ASDURF: variants seen among roughly 807,000 people sequenced by gnomAD.
ASDURF encodes ASDURF protein.
Under a neutral mutation model 3.3 loss-of-function variants are expected in ASDURF, and 3 were observed. The ratio of observed to expected loss-of-function variants is 0.92; its 90% CI spans 0.42 to 2.37. The LOEUF is 2.37. ASDURF is among the 30% of genes most tolerant of loss of function. The pLI is 0.05. For synonymous variants in ASDURF, 11 were observed against 8.3 expected, an observed-to-expected ratio of 1.32 and a Z score of -0.55; for missense variants, 23 against 25.4, an observed-to-expected ratio of 0.90 and a Z score of 0.21.
intron 1 of ASDURF, among the ~76,000 whole-genome samples, chr2:189,662,203 C>T (rs2032682697): frequency 6.6e-6 from 1 of 152,192 alleles, no homozygotes; most frequent in South Asian, 2.1e-4. Context: ...GGTTGTCACT[C>T]ATACCAAACT....
intron 3 of ASDURF, 145 bp downstream of exon 3, chr2:189,665,596 G>GTATATATA (rs71023704): frequency 1.8e-5 from 2 of 111,492 alleles, no homozygotes; most frequent in African/African-American, 7.9e-5. Flanking sequence ...ATATATATAT[G>GTATATATA]TGTATATATA....
Position 189,666,296 on chromosome 2 carries a change from A to T in ASDURF, c.*185A>T. On this transcript the variant is annotated 3_prime_UTR_variant, in exon 4 of 4. Transcript: ENST00000607829. ...TGTTTATTTTCTGCTCACGTCCTAC[A>T]CTTGAGGGGTGTTTTGACTACCCAG... is the stretch of plus-strand genomic sequence containing the variant. 1.2e-6 allele frequency: 2 copies of T among 1,614,070 alleles called. No homozygotes were observed. Among genetic ancestry groups the T allele is most frequent in the Non-Finnish European group, 8.5e-7 (1 of 1,179,990 alleles).
chr2:189,666,368 T>G lies in ASDURF; in HGVS notation c.*257T>G, dbSNP rs1409044646. ...AATGTGTTTCTATGGAATGGAGAAA[T>G]TTTTAGTGGAATAAAGGTTGAAGCT... On this transcript the variant is annotated 3_prime_UTR_variant, in exon 4 of 4. Coordinates refer to ENST00000607829, the MANE Select transcript of ASDURF (RefSeq NM_001353493.2). The G allele has an allele frequency of 1.2e-6, 2 of 1,613,768 alleles. No homozygotes were observed. The highest frequency in any genetic ancestry group is 1.1e-5 in the South Asian group (1 of 91,014).
intron 2 of ASDURF, 137 bp downstream of exon 2, chr2:189,664,091 G>C (rs2032733445): frequency 3.0e-6 from 1 of 327,902 alleles, no homozygotes. Context: ...TTTTAAAATT[G>C]CAAGTGTCTA....
chr2:189,662,873 G>A lies in ASDURF; in HGVS notation c.91-1028G>A, dbSNP rs530630151. 1.1e-3 allele frequency among the ~76,000 whole-genome samples: 168 copies of A among 150,988 alleles called. 3 individuals are homozygous for A. Among genetic ancestry groups the A allele is most frequent in the African/African-American group, 3.4e-3 (140 of 41,156 alleles). ...TAAGGTGTGAGAATCGCCTGAGCCC[G>A]GGAAGATCAAAGCTGCAGTGAGCCG... On this transcript the variant is annotated intron_variant, in intron 1 of 3. Coordinates refer to ENST00000607829, the MANE Select transcript of ASDURF (RefSeq NM_001353493.2).
At chr2:189,664,839 CTT>C (rs1462723637) in intron 2 of ASDURF, among the ~76,000 whole-genome samples, 1 of 152,028 alleles carries the variant, frequency 6.6e-6, no homozygotes, top group African/African-American at 2.4e-5. Flanking sequence ...AACTATAACA[CTT>C]TGACCCAGCA....
chr2:189,661,482 C>T lies in ASDURF; in HGVS notation c.-39C>T. 2.5e-6 allele frequency: 1 copy of T among 399,156 alleles called. No homozygotes were observed. The highest frequency in any genetic ancestry group is 4.4e-6 in the Non-Finnish European group (1 of 226,146). The allele number at this position is 399,156 out of a possible 1,614,324, so 24.7% of individuals were successfully genotyped here. A position where few individuals can be genotyped will look rare whatever the true frequency, so the allele number is the denominator to read the frequency against. On this transcript the variant is annotated 5_prime_UTR_variant, in exon 1 of 4. Coordinates refer to ENST00000607829, the MANE Select transcript of ASDURF (RefSeq NM_001353493.2). ...CTGTGGCTAATGCCGTAGGCTCCTT[C>T]AGGGCTGAGCCATCCCGCGTGTCTT...
intron 1 of ASDURF, among the ~76,000 whole-genome samples, chr2:189,662,365 T>C (rs1006890364): frequency 6.6e-5 from 10 of 152,248 alleles, no homozygotes; most frequent in African/African-American, 2.4e-4. Context: ...AATGACATCT[T>C]GGGCAAGTCT....
rs568947754 is a variant in ASDURF at position 189,665,668 on chromosome 2, A to G, written c.220+217A>G. ...TATATTATAAATGTTTTAGAAAGCA[A>G]TAGTTATTAACATGTGCTTTAGAAT... On this transcript the variant is annotated intron_variant, in intron 3 of 3. Transcript: ENST00000607829. Among the ~76,000 whole-genome samples the G allele has an allele frequency of 1.9e-4, 28 of 143,844 alleles. 2 individuals are homozygous for G. Among genetic ancestry groups the G allele is most frequent in the African/African-American group, 7.2e-4 (28 of 38,714 alleles). 94.4% of individuals were successfully genotyped at this position (143,844 alleles called of 152,430 possible).
chr2:189,662,188 C>CCA, intron 1 of ASDURF, among the ~76,000 whole-genome samples: 1 of 152,356 alleles, frequency 6.6e-6, no homozygotes, highest in South Asian at 2.1e-4. Context: ...CTAAAACACG[C>CCA]ATTGGGTTGT....
intron 2 of ASDURF, 137 bp downstream of exon 2, chr2:189,664,091 G>A: frequency 3.0e-6 from 1 of 327,902 alleles, no homozygotes; most frequent in Non-Finnish European, 5.5e-6. Context: ...TTTTAAAATT[G>A]CAAGTGTCTA....
rs776372954 is a variant in ASDURF, at chr2:189,666,045, A to G, written c.225A>G (p.Ile75Met). 168 of 1,373,994 alleles carry G rather than the reference A, an allele frequency of 1.2e-4. No individual in the cohort carries two copies. Among genetic ancestry groups the G allele is most frequent in the Non-Finnish European group, 1.6e-4 (165 of 1,020,218 alleles). 85.1% of individuals were successfully genotyped at this position (1,373,994 alleles called of 1,614,324 possible). A position where few individuals can be genotyped will look rare whatever the true frequency, so the allele number is the denominator to read the frequency against. ...RTEMLSESKN[I>M]LDELKKEYQE... is the part of the protein sequence containing the mutation. ...TATTCTCCTTCCCTGCAACAGATATATTGGATGAACTGAAAAAAGAATACC... is the reference window on the plus strand; with the variant it reads ...TATTCTCCTTCCCTGCAACAGATATGTTGGATGAACTGAAAAAAGAATACC... Residue 75 changes from isoleucine to methionine, a missense_variant, in exon 4 of 4, where the codon ATA becomes ATG. Transcript: ENST00000607829.
At chr2:189,663,694 T>G (rs1250385126) in intron 1 of ASDURF, among the ~76,000 whole-genome samples, 1 of 152,188 alleles carries the variant, frequency 6.6e-6, no homozygotes, top group Admixed American at 6.5e-5. Context: ...TAATCACTGT[T>G]TTTTCTCCTC....
At chr2:189,663,831 C>T (rs2032727540) in intron 1 of ASDURF, 70 bp from the exon 2 acceptor site, 1 of 365,938 alleles carries the variant, frequency 2.7e-6, no homozygotes, top group African/African-American at 2.1e-5. Context: ...TTAAAACAAC[C>T]CCTTAAGGGA....
intron 2 of ASDURF, among the ~76,000 whole-genome samples, chr2:189,664,713 C>T (rs1297782752): frequency 1.3e-5 from 2 of 151,640 alleles, no homozygotes; most frequent in Non-Finnish European, 2.9e-5. Context: ...CACCACTGCA[C>T]TCCAGCCTAG....
Position 189,665,618 on chromosome 2 carries a change from A to ATG in ASDURF, c.220+168_220+169insGT, listed in dbSNP as rs1559034468. Among the ~76,000 whole-genome samples, 12 of 108,892 alleles carry ATG rather than the reference A, an allele frequency of 1.1e-4. No homozygotes were observed. The East Asian group carries it at 1.4e-3, about 12-fold the overall frequency. The allele number at this position is 108,892 out of a possible 152,430, so 71.4% of individuals were successfully genotyped here. Reference sequence around the variant, plus strand: ...TATGTGTATATATATATATATATATATATATATATATATATATATATATAT... The same window carrying ATG: ...TATGTGTATATATATATATATATATATGTATATATATATATATATATATATAT... On this transcript the variant is annotated intron_variant, in intron 3 of 3. Coordinates refer to ENST00000607829, the MANE Select transcript of ASDURF (RefSeq NM_001353493.2).
At chr2:189,665,630 A>ATATATATATACG (rs1559034492) in intron 3 of ASDURF, among the ~76,000 whole-genome samples, 179 bp downstream of exon 3, 3 of 97,542 alleles carry the variant, frequency 3.1e-5, no homozygotes, top group African/African-American at 1.1e-4. Flanking sequence ...ATATATATAT[A>ATATATATATACG]TATATATATA....
At chr2:189,665,350 A>G (rs1337976101) in intron 2 of ASDURF, 26 bp from the exon 3 acceptor site, 2 of 395,240 alleles carry the variant, frequency 5.1e-6, no homozygotes, top group Non-Finnish European at 8.9e-6. Flanking sequence ...TCAAAATTTG[A>G]TATTAGCCTA....
chr2:189,663,276 G>A (rs111476512), intron 1 of ASDURF, among the ~76,000 whole-genome samples: 5,404 of 150,594 alleles, frequency 0.036, 111 homozygotes, highest in South Asian at 0.069. Context: ...TTTTTGAGAC[G>A]GAGTTTCACT....
Sources: allele counts gnomAD v4.1 joint callset (sites outside exome capture counted in the v4.1 genomes callset), GRCh38; gene constraint gnomAD v4.1.1; transcripts MANE v1.5; gene names NCBI Gene and HGNC (gene_info 2026-07-23, HGNC 2026-07-21).